PAPOLA: variants seen among roughly 807,000 people sequenced by gnomAD.
PAPOLA encodes poly(A) polymerase alpha, also known as polynucleotide adenylyltransferase alpha.
Under a neutral mutation model 100.6 loss-of-function variants are expected in PAPOLA, and 15 were observed. That is an observed-to-expected ratio of 0.15 (90% confidence interval 0.10 to 0.23). The LOEUF (loss-of-function observed/expected upper bound fraction) is 0.23, where lower values mean the gene tolerates loss of function less well. Ranked by LOEUF, PAPOLA falls within the 10% of genes least tolerant of loss-of-function variation. The probability of loss-of-function intolerance (pLI) is 1.00; values close to 1 mark genes in which losing one functional copy is unlikely to be tolerated. For missense variants in PAPOLA, 533 were observed against 884.2 expected, an observed-to-expected ratio of 0.60 and a Z score of 5.04; for synonymous variants, 293 against 300.0, an observed-to-expected ratio of 0.98 and a Z score of 0.24.
intron 17 of PAPOLA, among the ~76,000 whole-genome samples, chr14:96,555,553 TGCA>T (rs1189334661): frequency 6.6e-6 from 1 of 152,142 alleles, no homozygotes; most frequent in Admixed American, 6.5e-5. Context: ...ATATTTTAAG[TGCA>T]GAGTAGCTAT....
chr14:96,535,541 G>C (rs1899444879), intron 10 of PAPOLA: 4 of 1,002,714 alleles, frequency 4.0e-6, no homozygotes, highest in Non-Finnish European at 4.8e-6. Context: ...TGTCTCTAAA[G>C]GTAATTGTAT....
At chr14:96,561,106 C>T (rs1371506804) in intron 20 of PAPOLA, among the ~76,000 whole-genome samples, 1 of 152,058 alleles carries the variant, frequency 6.6e-6, no homozygotes, top group African/African-American at 2.4e-5. Context: ...TTTTGATAGT[C>T]CGGGCTGAGA....
chr14:96,522,043 C>G (rs1898013574), intron 3 of PAPOLA, among the ~76,000 whole-genome samples: 1 of 151,640 alleles, frequency 6.6e-6, no homozygotes, highest in African/African-American at 2.4e-5. Context: ...CTCAAGTGAT[C>G]CACCTTCCTT....
chr14:96,545,739 C>G (rs1255036955), intron 15 of PAPOLA, among the ~76,000 whole-genome samples: 1 of 151,854 alleles, frequency 6.6e-6, no homozygotes, highest in Non-Finnish European at 1.5e-5. Flanking sequence ...GGCATAATAC[C>G]TTTTAATCAA....
chr14:96,514,914 T>C (rs546456154), intron 1 of PAPOLA, among the ~76,000 whole-genome samples: 1 of 152,322 alleles, frequency 6.6e-6, no homozygotes, highest in South Asian at 2.1e-4. Flanking sequence ...AAATCAGGCC[T>C]GCTTTCTCCC....
At chr14:96,528,150 T>A (rs1393940022) in intron 6 of PAPOLA, 144 bp downstream of exon 6, 1 of 580,304 alleles carries the variant, frequency 1.7e-6, no homozygotes, top group African/African-American at 1.9e-5. Flanking sequence ...TGGAAGTGAC[T>A]GCCTATTCTT....
chr14:96,509,909 A>T (rs1298457307), intron 1 of PAPOLA, among the ~76,000 whole-genome samples: 2 of 150,546 alleles, frequency 1.3e-5, no homozygotes, highest in East Asian at 1.9e-4. Context: ...AAAGCCATGC[A>T]CAGATTTGCC....
chr14:96,504,916 G>A (rs1896607193), intron 1 of PAPOLA, among the ~76,000 whole-genome samples: 1 of 152,082 alleles, frequency 6.6e-6, no homozygotes, highest in Non-Finnish European at 1.5e-5. Context: ...GTTAAATTTG[G>A]ATGGGTGAGT....
At chr14:96,506,888 A>G (rs1295658752) in intron 1 of PAPOLA, among the ~76,000 whole-genome samples, 1 of 152,208 alleles carries the variant, frequency 6.6e-6, no homozygotes, top group Non-Finnish European at 1.5e-5. Context: ...TTCATATTGT[A>G]ACTAATCTTT....
rs1312472348 is a variant in PAPOLA at position 96,532,372 on chromosome 14, A to G, written c.649A>G (p.Ile217Val). Residue 217 changes from isoleucine to valine, a missense_variant, in exon 8 of 22, where the codon ATT (isoleucine) becomes GTT (valine). By Grantham distance (29) the Ile-to-Val change is conservative (BLOSUM62 3). Transcript: ENST00000216277. Reference sequence around the variant, plus strand: ...TGAAATTTTACATCTAGTACCAAACATTGACAACTTCAGGTTAACTCTGAG... The same window carrying G: ...TGAAATTTTACATCTAGTACCAAACGTTGACAACTTCAGGTTAACTCTGAG... ...TDEILHLVPN[I>V]DNFRLTLRAI... 4 of 1,613,406 alleles carry G rather than the reference A, an allele frequency of 2.5e-6. No individual in the cohort carries two copies. In the African/African-American group the frequency reaches 5.3e-5, roughly 22 times the overall value.
chr14:96,521,071 A>G lies in PAPOLA; in HGVS notation c.248A>G (p.Lys83Arg). ...KEWIREISES[K>R]NLPQSVIENV... Reference sequence around the variant, plus strand: ...TGGATACGAGAAATCAGTGAAAGCAAGGTAAGGCAACTTTTTTGTATATGA... The same window carrying G: ...TGGATACGAGAAATCAGTGAAAGCAGGGTAAGGCAACTTTTTTGTATATGA... The change falls in exon 3 of 22, where the codon AAG becomes AGG. Residue 83 changes from lysine to arginine, a missense_variant and splice_region_variant. Lys to Arg is a conservative substitution (Grantham distance 26, BLOSUM62 2). Transcript: ENST00000216277. 3.3e-6 allele frequency: 5 copies of G among 1,510,618 alleles called. No individual in the cohort carries two copies. The highest frequency in any genetic ancestry group is 4.6e-6 in the Non-Finnish European group (5 of 1,088,782). 93.6% of individuals were successfully genotyped at this position (1,510,618 alleles called of 1,614,324 possible).
chr14:96,548,515 T>C (rs1211695885), intron 16 of PAPOLA, among the ~76,000 whole-genome samples: 2 of 152,134 alleles, frequency 1.3e-5, no homozygotes, highest in South Asian at 2.1e-4. Flanking sequence ...AGTGGACAGA[T>C]ACAAATTACG....
intron 15 of PAPOLA, among the ~76,000 whole-genome samples, chr14:96,545,704 C>T (rs1900341190): frequency 6.6e-6 from 1 of 151,958 alleles, no homozygotes; most frequent in Non-Finnish European, 1.5e-5. Context: ...GAACTGTCCA[C>T]ATTGAAAGAT....
rs1595566810 is a variant in PAPOLA, at chr14:96,565,731, T to C, written c.*681T>C. On this transcript the variant is annotated 3_prime_UTR_variant, in exon 22 of 22. Transcript: ENST00000216277. ...TATTGGTTTTATTTATGGAATTGTT[T>C]TATAGTGCATACAAATCAGCGATCA... 2 of 397,984 alleles carry C rather than the reference T, an allele frequency of 5.0e-6. No individual in the cohort carries two copies. Among genetic ancestry groups the C allele is most frequent in the East Asian group, 7.1e-5 (2 of 28,064 alleles). The allele number at this position is 397,984 out of a possible 1,614,324, so 24.7% of individuals were successfully genotyped here. A position where few individuals can be genotyped will look rare whatever the true frequency, so the allele number is the denominator to read the frequency against.
intron 1 of PAPOLA, among the ~76,000 whole-genome samples, chr14:96,514,587 A>C (rs148533584): frequency 9.1e-4 from 139 of 152,378 alleles, no homozygotes; most frequent in African/African-American, 2.9e-3. Context: ...ATATCCCGCC[A>C]AAATAAATAG....
At chr14:96,518,249 G>GTA (rs1897632414) in intron 1 of PAPOLA, among the ~76,000 whole-genome samples, 1 of 152,170 alleles carries the variant, frequency 6.6e-6, no homozygotes, top group South Asian at 2.1e-4. Flanking sequence ...GTAACACGCA[G>GTA]TATGGGCTTC....
At chr14:96,542,550 T>C in intron 13 of PAPOLA, 1 of 546,866 alleles carries the variant, frequency 1.8e-6, no homozygotes, top group Non-Finnish European at 3.2e-6. Flanking sequence ...ATAGCTTGTT[T>C]TTCTTAAAAT....
chr14:96,517,150 C>T (rs1374637155), intron 1 of PAPOLA, among the ~76,000 whole-genome samples: 1 of 152,144 alleles, frequency 6.6e-6, no homozygotes, highest in Non-Finnish European at 1.5e-5. Context: ...GCTCTCCTTG[C>T]TTGAACCAGA....
intron 14 of PAPOLA, among the ~76,000 whole-genome samples, 172 bp from the exon 15 acceptor site, chr14:96,543,977 T>C (rs1025740811): frequency 6.6e-6 from 1 of 152,094 alleles, no homozygotes; most frequent in Non-Finnish European, 1.5e-5. Context: ...AGTAGGAATA[T>C]AGAGGACAGG....
Sources: gnomAD v4.1 joint callset for allele counts (sites outside exome capture counted in the v4.1 genomes callset) on GRCh38, gnomAD v4.1.1 for gene constraint, MANE v1.5 for transcripts, NCBI Gene and HGNC (gene_info 2026-07-23, HGNC 2026-07-21) for gene names.